LRRC8B: variants seen among roughly 807,000 people sequenced by gnomAD.
LRRC8B encodes the protein leucine rich repeat containing 8 VRAC subunit B.
LRRC8B carries 23 observed loss-of-function variants against 58.8 expected under a neutral mutation model. That is an observed-to-expected ratio of 0.39 (90% CI 0.28 to 0.55). LRRC8B has a LOEUF of 0.55. Among genes scored for constraint, LRRC8B ranks in the 20% least tolerant of loss-of-function variants. The pLI is 0.62. For missense variants in LRRC8B, 694 were observed against 936.0 expected (o/e 0.74, Z 3.37); for synonymous variants, 359 against 374.1 (o/e 0.96, Z 0.47).
At chr1:89,553,461 G>C (rs1302683580) in intron 1 of LRRC8B, among the ~76,000 whole-genome samples, 1 of 152,136 alleles carries the variant, frequency 6.6e-6, no homozygotes, top group East Asian at 1.9e-4. Context: ...GCACCCTTTT[G>C]TGTGTGTGTT....
At chr1:89,564,233 T>C (rs1388507170) in intron 1 of LRRC8B, among the ~76,000 whole-genome samples, 2 of 152,192 alleles carry the variant, frequency 1.3e-5, no homozygotes, top group Non-Finnish European at 2.9e-5. Context: ...ACTTTAATTA[T>C]TTAATAGGCA....
intron 1 of LRRC8B, among the ~76,000 whole-genome samples, chr1:89,547,344 A>G (rs1651483921): frequency 6.6e-6 from 1 of 152,178 alleles, no homozygotes; most frequent in South Asian, 2.1e-4. Flanking sequence ...TTAGAGATCC[A>G]TACTGAAATA....
At chr1:89,567,238 T>C (rs1653113101) in intron 1 of LRRC8B, among the ~76,000 whole-genome samples, 1 of 152,196 alleles carries the variant, frequency 6.6e-6, no homozygotes, top group South Asian at 2.1e-4. Context: ...ACTTGGTACT[T>C]TTATGTTTTG....
At chr1:89,592,154 T>A (rs1445761306) in intron 5 of LRRC8B, among the ~76,000 whole-genome samples, 1 of 152,218 alleles carries the variant, frequency 6.6e-6, no homozygotes, top group African/African-American at 2.4e-5. Context: ...ATCTGTGTTA[T>A]AAATTATTTA....
rs1205014630 is a variant in LRRC8B, at chr1:89,582,891, T to C, written c.241T>C (p.Ser81Pro). Residue 81 changes from serine (S) to proline (P), a missense_variant, in exon 5 of 6, where the codon TCT (serine) becomes CCT (proline). Ser to Pro is a moderately conservative substitution (Grantham distance 74). Transcript: ENST00000330947. The stretch of plus-strand genomic sequence containing the variant: ...CCTGAAAGCCAGCATGAACACATCC[T>C]CTAATCCTGGGACACCGCTTCCGCT... ...DILKASMNTS[S>P]NPGTPLPLPL... 1 of 1,614,192 alleles carries C rather than the reference T, an allele frequency of 6.2e-7. No homozygotes were observed.
chr1:89,535,645 A>G (rs1305384626), intron 1 of LRRC8B, among the ~76,000 whole-genome samples: 3 of 152,222 alleles, frequency 2.0e-5, no homozygotes, highest in Non-Finnish European at 4.4e-5. Flanking sequence ...ACTCACCTAG[A>G]ATAGTAAGAA....
intron 1 of LRRC8B, among the ~76,000 whole-genome samples, chr1:89,540,963 G>A (rs974224248): frequency 2.2e-4 from 34 of 152,300 alleles, no homozygotes; most frequent in Admixed American, 1.2e-3. Context: ...TTCAGAGAAG[G>A]AGTGGATTAA....
intron 1 of LRRC8B, chr1:89,549,871 A>C (rs566465704): frequency 3.9e-5 from 6 of 152,312 alleles, no homozygotes; most frequent in Non-Finnish European, 7.4e-5. Context: ...AGTCTTCAGC[A>C]AAAACAGCTT....
At chr1:89,558,576 A>G (rs1206028135) in intron 1 of LRRC8B, 1 of 152,284 alleles carries the variant, frequency 6.6e-6, no homozygotes, top group Non-Finnish European at 1.5e-5. Flanking sequence ...GGCTAGTTTA[A>G]GAGACCATTG....
rs1345526563 is a variant in LRRC8B at position 89,524,831 on chromosome 1, T to A, written c.-432T>A. On this transcript the variant is annotated 5_prime_UTR_variant, in exon 1 of 6. Coordinates refer to ENST00000330947, the MANE Select transcript of LRRC8B (RefSeq NM_001369817.2). ...GCGGTTCGCGCCGCCGAGCGCCCAT[T>A]GGCCAGCGGAACGCGTCGCGTCACA... 2.0e-5 allele frequency: 3 copies of A among 152,150 alleles called. No individual in the cohort carries two copies. Among genetic ancestry groups the A allele is most frequent in the Admixed American group, 1.3e-4 (2 of 15,280 alleles). The allele number at this position is 152,150 out of a possible 1,614,324, so 9.4% of individuals were successfully genotyped here.
intron 1 of LRRC8B, among the ~76,000 whole-genome samples, chr1:89,559,542 G>A (rs1250114948): frequency 6.6e-6 from 1 of 151,252 alleles, no homozygotes; most frequent in Non-Finnish European, 1.5e-5. Context: ...GCTAAGGTGG[G>A]GTGCATTGAG....
intron 1 of LRRC8B, among the ~76,000 whole-genome samples, chr1:89,539,922 T>C (rs1002610642): frequency 2.6e-5 from 4 of 152,232 alleles, no homozygotes; most frequent in Admixed American, 1.3e-4. Flanking sequence ...GCATGCTTAT[T>C]TTGTGCTTGT....
chr1:89,584,341 A>G lies in LRRC8B; in HGVS notation c.1691A>G (p.Gln564Arg), dbSNP rs1465231816. 1 of 1,614,058 alleles carries G rather than the reference A, an allele frequency of 6.2e-7. No homozygotes were observed. The highest frequency in any genetic ancestry group is 1.7e-5 in the Admixed American group (1 of 59,994). ...QVVTDLLPSL[Q>R]KLSLDNEGSK... is the part of the protein sequence containing the mutation. ...GTTACAGACCTCCTGCCTTCATTGC[A>G]GAAACTGTCCCTTGATAATGAGGGA... is the stretch of plus-strand genomic sequence containing the variant. Residue 564 changes from glutamine (Q) to arginine (R), a missense_variant, in exon 5 of 6, where the codon CAG becomes CGG. By Grantham distance (43) the Gln-to-Arg change is conservative. Coordinates refer to ENST00000330947, the MANE Select transcript of LRRC8B (RefSeq NM_001369817.2).
rs1395040908 is a variant in LRRC8B, at chr1:89,594,994, C to T, written c.*1951C>T. The T allele has an allele frequency of 6.6e-6, 1 of 152,136 alleles. No individual in the cohort carries two copies. The highest frequency in any genetic ancestry group is 2.4e-5 in the African/African-American group (1 of 41,412). The allele number at this position is 152,136 out of a possible 1,614,324, so 9.4% of individuals were successfully genotyped here. On this transcript the variant is annotated 3_prime_UTR_variant, in exon 6 of 6. Transcript: ENST00000330947. ...TAAAGCATAGCAAATAGAGCTTCCC[C>T]TCACCTGCCACACACTCCTGCACTA...
chr1:89,583,449 A>C lies in LRRC8B; in HGVS notation c.799A>C (p.Ile267Leu). 1.2e-6 allele frequency: 2 copies of C among 1,614,110 alleles called. No homozygotes were observed. The highest frequency in any genetic ancestry group is 1.7e-6 in the Non-Finnish European group (2 of 1,179,990). Residue 267 changes from isoleucine (I) to leucine (L), a missense_variant, in exon 5 of 6, where the codon ATT becomes CTT. By Grantham distance (5) the Ile-to-Leu change is conservative (BLOSUM62 2). This residue lies in a region of LRRC8B where 316 missense variants were observed against 403.8 expected (regional missense o/e 0.78). Coordinates refer to ENST00000330947, the MANE Select transcript of LRRC8B (RefSeq NM_001369817.2). This position sits in a 1 kb window ranked among gnomAD's most constrained non-coding sequence, Gnocchi z 5.2. ...TCTGAAACAGATAATAGTCAAAGTC[A>C]TTTTGTTTGTGCTCATCATAACTTA... The part of the protein sequence containing the change: ...VYLKQIIVKV[I>L]LFVLIITYVP...
At chr1:89,556,075 T>C (rs115061407) in intron 1 of LRRC8B, among the ~76,000 whole-genome samples, 193 of 152,282 alleles carry the variant, frequency 1.3e-3, no homozygotes, top group African/African-American at 4.4e-3. Flanking sequence ...ATTGGAACTT[T>C]TACGCCCACC....
In LRRC8B at chr1:89,592,974, G is replaced by A. The variant is rs1304903755; in HGVS notation, c.2343G>A (p.Glu781=). 1 of 1,614,112 alleles carries A rather than the reference G, an allele frequency of 6.2e-7. No individual in the cohort carries two copies. The highest frequency in any genetic ancestry group is 1.1e-5 in the South Asian group (1 of 91,076). The change falls in exon 6 of 6, where the codon GAG becomes GAA. Residue 781 remains glutamate, a synonymous_variant. Transcript: ENST00000330947. ...TAAAACGGAACTGTCTGATTGTTGA[G>A]GAGAACTTGCTCAATACTCTTCCTC... The part of the protein sequence containing the change: ...QSLKRNCLIV[E]ENLLNTLPLP...
intron 1 of LRRC8B, among the ~76,000 whole-genome samples, chr1:89,532,056 G>GT (rs2100789371): frequency 6.6e-6 from 1 of 152,170 alleles, no homozygotes; most frequent in South Asian, 2.1e-4. Flanking sequence ...GGGCTTCTCA[G>GT]TTGCTGTTCT....
chr1:89,533,750 C>A (rs1428291367), intron 1 of LRRC8B, among the ~76,000 whole-genome samples: 1 of 152,050 alleles, frequency 6.6e-6, no homozygotes, highest in Non-Finnish European at 1.5e-5. Context: ...CATGGCATAC[C>A]GTGGGCATGC....
Sources: allele counts gnomAD v4.1 joint callset (sites outside exome capture counted in the v4.1 genomes callset), GRCh38; gene constraint gnomAD v4.1.1; regional missense constraint gnomAD v4.1.1; non-coding constraint Gnocchi (gnomAD v3.1); transcripts MANE v1.5; gene names NCBI Gene and HGNC (gene_info 2026-07-23, HGNC 2026-07-21).